Variants in CDH1 observed in about 807,000 individuals in gnomAD.
The protein encoded by CDH1 is cadherin-1.
CDH1 carries 35 observed loss-of-function variants against 84.5 expected under a neutral mutation model. That is an observed-to-expected ratio of 0.41 (90% CI 0.32 to 0.55). The LOEUF (loss-of-function observed/expected upper bound fraction) is 0.55. Among genes scored for constraint, CDH1 ranks in the 20% least tolerant of loss-of-function variants. The probability of loss-of-function intolerance (pLI) is 0.19; values close to 1 mark genes in which losing one functional copy is unlikely to be tolerated. For synonymous variants in CDH1, 417 were observed against 439.0 expected, an observed-to-expected ratio of 0.95 and a Z score of 0.63; for missense variants, 994 against 1,126.6, an observed-to-expected ratio of 0.88 and a Z score of 1.68.
At position 68,810,193 on chromosome 16, in the gene CDH1, T is replaced by C. The variant is rs781633588; in HGVS notation, c.688-4T>C. ...CTCAAGTCACCCTCACTTGGTTCTT[T>C]CAGCTCTTCTCTCACGCTGTGTCAT... On this transcript the variant is annotated splice_polypyrimidine_tract_variant and splice_region_variant and intron_variant, in intron 5 of 15. Transcript: ENST00000261769. The C allele has an allele frequency of 5.0e-6, 8 of 1,614,054 alleles. No individual in the cohort carries two copies. In the African/African-American group the frequency reaches 9.3e-5, roughly 19 times the overall value.
At chr16:68,738,781 G>A (rs1251468736) in intron 2 of CDH1, among the ~76,000 whole-genome samples, 1 of 151,922 alleles carries the variant, frequency 6.6e-6, no homozygotes, top group African/African-American at 2.4e-5. Context: ...GCAAACCGAG[G>A]CTAAGAGAGT....
At chr16:68,793,930 CAAAAA>C (rs35590027) in intron 2 of CDH1, among the ~76,000 whole-genome samples, 2 of 86,468 alleles carry the variant, frequency 2.3e-5, no homozygotes, top group Admixed American at 1.3e-4. Context: ...GACTCTGTCT[CAAAAA>C]AAAAAAAAAA....
chr16:68,804,824 C>CTT (rs5817653), intron 3 of CDH1, among the ~76,000 whole-genome samples: 1,447 of 69,772 alleles, frequency 0.021, 26 homozygotes, highest in African/African-American at 0.029. Flanking sequence ...GTAACAAAAT[C>CTT]TTTTTTTTTT....
Position 68,813,958 on chromosome 16 carries a change from C to T in CDH1, c.1320+463C>T, listed in dbSNP as rs531020150. On this transcript the variant is annotated intron_variant, in intron 9 of 15. Coordinates refer to ENST00000261769, the MANE Select transcript of CDH1 (RefSeq NM_004360.5). ...CAGGGGTGGGCGGGGAAAAGGAGGC[C>T]GGGCGTGGTGGCTCACGCCTGTAAT... Among the ~76,000 whole-genome samples, 10 of 138,758 alleles carry T rather than the reference C, an allele frequency of 7.2e-5. No homozygotes were observed. In the East Asian group the frequency reaches 1.1e-3, roughly 15 times the overall value. The allele number at this position is 138,758 out of a possible 152,430, so 91.0% of individuals were successfully genotyped here.
intron 2 of CDH1, among the ~76,000 whole-genome samples, chr16:68,760,555 C>CT (rs1365043274): frequency 6.6e-6 from 1 of 152,112 alleles, no homozygotes; most frequent in African/African-American, 2.4e-5. Context: ...GAGAATGTTT[C>CT]TCCCCCATTC....
At chr16:68,756,894 T>C (rs1963031073) in intron 2 of CDH1, among the ~76,000 whole-genome samples, 1 of 152,002 alleles carries the variant, frequency 6.6e-6, no homozygotes, top group African/African-American at 2.4e-5. Context: ...CCCAGCTTCA[T>C]GGGAGGCTGA....
chr16:68,766,118 G>C (rs938068509), intron 2 of CDH1, among the ~76,000 whole-genome samples: 1 of 152,090 alleles, frequency 6.6e-6, no homozygotes, highest in Non-Finnish European at 1.5e-5. Context: ...AATTAGCCGG[G>C]TGTGGTGGTG....
chr16:68,813,494 A>G lies in CDH1; in HGVS notation c.1319A>G (p.Lys440Arg), dbSNP rs864622165. Residue 440 changes from lysine to arginine, a missense_variant and splice_region_variant, in exon 9 of 16, where the codon AAG becomes AGG. Around this residue, in one of 3 missense-constraint regions of CDH1, gnomAD observed 769 missense variants for 881.8 expected, o/e 0.87. Transcript: ENST00000261769. ...AACGATGGCATTTTGAAAACAGCAA[A>G]GGTTTGTATGGTACCTGGCAAGATG... Reference protein sequence around the residue: ...VNNDGILKTAKGLDFEAKQQY... With the variant: ...VNNDGILKTARGLDFEAKQQY... The G allele has an allele frequency of 5.6e-6, 9 of 1,614,092 alleles. No homozygotes were observed. Among genetic ancestry groups the G allele is most frequent in the Middle Eastern group, 3.3e-4 (2 of 6,062 alleles).
rs1205631061 is a variant in CDH1, at chr16:68,819,436, C to T, written c.1711+11C>T. 2.5e-6 allele frequency: 4 copies of T among 1,612,702 alleles called. No homozygotes were observed. The highest frequency in any genetic ancestry group is 2.7e-5 in the African/African-American group (2 of 74,892). On this transcript the variant is annotated intron_variant, in intron 11 of 15. Coordinates refer to ENST00000261769, the MANE Select transcript of CDH1 (RefSeq NM_004360.5). ...TAGCTACAGACAATGGTAAGGGGGC[C>T]TCATCTGAGCCTTTGCTGCCTCGAC...
intron 2 of CDH1, among the ~76,000 whole-genome samples, chr16:68,771,409 C>G (rs1338337831): frequency 4.6e-5 from 7 of 152,166 alleles, no homozygotes; most frequent in Non-Finnish European, 7.3e-5. Flanking sequence ...ATCTGAGCCT[C>G]CCGAGTAGCT....
chr16:68,803,452 C>G (rs538466227), intron 3 of CDH1, among the ~76,000 whole-genome samples: 9 of 152,202 alleles, frequency 5.9e-5, no homozygotes, highest in Admixed American at 2.0e-4. Context: ...GGCTGGAGGG[C>G]AGTGGTGCAA....
chr16:68,823,096 C>CG (rs967059144), intron 12 of CDH1: 4 of 366,468 alleles, frequency 1.1e-5, no homozygotes, highest in African/African-American at 8.4e-5. Context: ...CTCAGGCACA[C>CG]GGGAGCCTAC....
At chr16:68,822,263 A>G (rs1961175457) in intron 12 of CDH1, 38 bp downstream of exon 12, 4 of 1,390,142 alleles carry the variant, frequency 2.9e-6, no homozygotes, top group Non-Finnish European at 4.1e-6. Flanking sequence ...CTTTGCTCCA[A>G]CTGCCATGCT....
chr16:68,810,070 C>T (rs943913859), intron 5 of CDH1, 127 bp from the exon 6 acceptor site: 84 of 922,298 alleles, frequency 9.1e-5, no homozygotes, highest in Non-Finnish European at 1.1e-5. Context: ...AGAAAAGTCA[C>T]CCACTGGGGG....
intron 2 of CDH1, among the ~76,000 whole-genome samples, chr16:68,758,498 GA>G (rs1168763708): frequency 2.6e-5 from 4 of 151,856 alleles, no homozygotes; most frequent in African/African-American, 9.7e-5. Flanking sequence ...GAGGCAGGAG[GA>G]TCACTTGAGC....
At chr16:68,752,259 C>A (rs1372887315) in intron 2 of CDH1, among the ~76,000 whole-genome samples, 1 of 152,098 alleles carries the variant, frequency 6.6e-6, no homozygotes, top group African/African-American at 2.4e-5. Context: ...ATCTGGACCC[C>A]CTATTTATGA....
chr16:68,745,261 T>C (rs960699902), intron 2 of CDH1, among the ~76,000 whole-genome samples: 5 of 151,384 alleles, frequency 3.3e-5, no homozygotes, highest in Admixed American at 1.3e-4. Flanking sequence ...GCCGCAGGAT[T>C]ACTTGAGCCC....
chr16:68,812,316 T>C (rs1960863095), intron 8 of CDH1, 53 bp downstream of exon 8: 2 of 1,589,358 alleles, frequency 1.3e-6, no homozygotes, highest in Non-Finnish European at 1.7e-6. Context: ...TTGTTGTTCA[T>C]GAACTAAGTG....
intron 2 of CDH1, among the ~76,000 whole-genome samples, chr16:68,766,333 C>T (rs1959384137): frequency 1.1e-4 from 16 of 152,186 alleles, no homozygotes; most frequent in Admixed American, 1.0e-3. Context: ...ATCCCCTTGA[C>T]TATTTCATGG....
Sources: allele counts gnomAD v4.1 joint callset (sites outside exome capture counted in the v4.1 genomes callset), GRCh38; gene constraint gnomAD v4.1.1; regional missense constraint gnomAD v4.1.1; transcripts MANE v1.5; gene names NCBI Gene and HGNC (gene_info 2026-07-23, HGNC 2026-07-21).